Variants in PACC1 observed in about 807,000 individuals in gnomAD.
The protein encoded by PACC1 is proton-activated chloride channel.
Under a neutral mutation model 39.7 loss-of-function variants are expected in PACC1, and 34 were observed. The observed-to-expected ratio is 0.86, with a 90% CI of 0.65 to 1.14. PACC1 has a LOEUF of 1.14. Among genes scored for constraint, PACC1 ranks in the 50% most tolerant of loss-of-function variants. PACC1 has a pLI of 0.00. For synonymous variants in PACC1, 127 were observed against 160.6 expected, an observed-to-expected ratio of 0.79 and a Z score of 1.58; for missense variants, 379 against 436.4, an observed-to-expected ratio of 0.87 and a Z score of 1.17.
chr1:212,401,097 A>G (rs1286116439), intron 2 of PACC1, among the ~76,000 whole-genome samples: 1 of 152,030 alleles, frequency 6.6e-6, no homozygotes. Context: ...CATACAATTT[A>G]CCCTTTTAAA....
In PACC1 at chr1:212,377,644, C is replaced by A. The variant is rs779416338; in HGVS notation, c.701G>T (p.Gly234Val). 1 of 1,614,074 alleles carries A rather than the reference C, an allele frequency of 6.2e-7. No homozygotes were observed. The highest frequency in any genetic ancestry group is 8.5e-7 in the Non-Finnish European group (1 of 1,180,032). ...CATCTTGACCCAGGTGCGGAAGCCCCCAGAGAACTTCCAGCTGGAATAGGC... is the reference window on the plus strand; with the variant it reads ...CATCTTGACCCAGGTGCGGAAGCCCACAGAGAACTTCCAGCTGGAATAGGC... The part of the protein sequence containing the change: ...ESAYSSWKFS[G>V]GFRTWVKMSL... The change falls in exon 6 of 8, where the codon GGG becomes GTG. Residue 234 changes from glycine (G) to valine (V), a missense_variant. Physicochemically the swap from Gly to Val is moderately radical, Grantham distance 109. Coordinates refer to ENST00000261455, the MANE Select transcript of PACC1 (RefSeq NM_018252.3).
chr1:212,379,005 G>A (rs958580490), intron 5 of PACC1, among the ~76,000 whole-genome samples: 7 of 150,356 alleles, frequency 4.7e-5, no homozygotes, highest in African/African-American at 7.3e-5. Context: ...GTGCAGTGGC[G>A]CAATCTCAGC....
At chr1:212,410,904 G>A (rs913312964) in intron 1 of PACC1, among the ~76,000 whole-genome samples, 2 of 152,140 alleles carry the variant, frequency 1.3e-5, no homozygotes, top group Non-Finnish European at 2.9e-5. Context: ...AGCAATCCTT[G>A]GAGTTCGTTG....
chr1:212,396,838 ATC>A (rs1661544016), intron 2 of PACC1, among the ~76,000 whole-genome samples: 2 of 147,728 alleles, frequency 1.4e-5, no homozygotes, highest in Admixed American at 1.3e-4. Flanking sequence ...CTATCTATCT[ATC>A]TATCTATCTA....
intron 2 of PACC1, among the ~76,000 whole-genome samples, chr1:212,400,994 T>C (rs769943422): frequency 6.6e-6 from 1 of 152,238 alleles, no homozygotes; most frequent in African/African-American, 2.4e-5. Flanking sequence ...CAGGGAGCAC[T>C]AGGCTAAGAG....
At chr1:212,366,630 T>C (rs1571622613) in intron 7 of PACC1, among the ~76,000 whole-genome samples, 1 of 152,164 alleles carries the variant, frequency 6.6e-6, no homozygotes, top group Non-Finnish European at 1.5e-5. Flanking sequence ...CATATGAAAA[T>C]GGTGATACCA....
intron 2 of PACC1, among the ~76,000 whole-genome samples, chr1:212,396,773 C>G (rs1006797269): frequency 6.8e-5 from 10 of 146,406 alleles, no homozygotes; most frequent in African/African-American, 2.5e-4. Flanking sequence ...AGAGAAAAAT[C>G]TTGAAGGCAG....
chr1:212,391,993 A>G lies in PACC1; in HGVS notation c.134-4893T>C, dbSNP rs1467415056. 4.6e-5 allele frequency among the ~76,000 whole-genome samples: 7 copies of G among 152,218 alleles called. 1 individual carries two copies. The highest frequency in any genetic ancestry group is 4.6e-4 in the Admixed American group (7 of 15,274). ...TGGTGTACCTGAAAGTGACGGGGAG[A>G]ATGGAACCAAGTTGGAAAACACTCT... On this transcript the variant is annotated intron_variant, in intron 2 of 7. Coordinates refer to ENST00000261455, the MANE Select transcript of PACC1 (RefSeq NM_018252.3).
At position 212,410,424 on chromosome 1, in the gene PACC1, C is replaced by T; in HGVS notation, c.133+1G>A. 1.2e-6 allele frequency: 2 copies of T among 1,614,046 alleles called. No individual in the cohort carries two copies. Among genetic ancestry groups the T allele is most frequent in the African/African-American group, 1.3e-5 (1 of 75,040 alleles). On this transcript the variant is annotated splice_donor_variant, in intron 2 of 7. Transcript: ENST00000261455. LOFTEE classifies it high-confidence loss of function. ...CACAGCAAAGCACCAAACGCACTCACCTGGTAAGATACCCGGACCTTGGAC... is the reference window on the plus strand; with the variant it reads ...CACAGCAAAGCACCAAACGCACTCATCTGGTAAGATACCCGGACCTTGGAC...
At chr1:212,377,215 C>T (rs1021861414) in intron 6 of PACC1, among the ~76,000 whole-genome samples, 1 of 152,136 alleles carries the variant, frequency 6.6e-6, no homozygotes, top group African/African-American at 2.4e-5. Flanking sequence ...CTCTTCCCTG[C>T]AAATAATCAA....
intron 1 of PACC1, chr1:212,413,925 G>C: frequency 6.5e-7 from 1 of 1,535,256 alleles, no homozygotes; most frequent in Non-Finnish European, 8.7e-7. Context: ...TGGCCAATGA[G>C]GCGGCACGAT....
chr1:212,370,263 G>A (rs1227635362), intron 7 of PACC1, among the ~76,000 whole-genome samples: 5 of 152,216 alleles, frequency 3.3e-5, no homozygotes, highest in Non-Finnish European at 7.3e-5. Context: ...TCAGGTGATT[G>A]AGACCATCCT....
At chr1:212,406,028 A>C (rs1661897730) in intron 2 of PACC1, among the ~76,000 whole-genome samples, 1 of 147,680 alleles carries the variant, frequency 6.8e-6, no homozygotes, top group Non-Finnish European at 1.5e-5. Flanking sequence ...TGTAGTCTCA[A>C]CTACTCGGGA....
At chr1:212,392,168 A>G (rs1661346431) in intron 2 of PACC1, among the ~76,000 whole-genome samples, 1 of 152,216 alleles carries the variant, frequency 6.6e-6, no homozygotes, top group Non-Finnish European at 1.5e-5. Context: ...GAAATGAAGG[A>G]AAAAATGTTA....
intron 7 of PACC1, among the ~76,000 whole-genome samples, chr1:212,374,467 C>G (rs950065691): frequency 6.6e-6 from 1 of 151,934 alleles, no homozygotes; most frequent in African/African-American, 2.4e-5. Flanking sequence ...TACAAAAATA[C>G]AGTAAGATAG....
rs893880550 is a variant in PACC1, at chr1:212,410,463, T to C, written c.95A>G (p.Lys32Arg). 6.2e-7 allele frequency: 1 copy of C among 1,614,174 alleles called. No individual in the cohort carries two copies. The stretch of plus-strand genomic sequence containing the variant: ...CGGACCTTGGACTCTGACCGTCTCC[T>C]TGTCCTGCTCGTCTGCCAGCTCTGA... ...ENSELADEQD[K>R]ETVRVQGPGI... Residue 32 changes from lysine (K) to arginine (R), a missense_variant, in exon 2 of 8, where the codon AAG becomes AGG. Physicochemically the swap from Lys to Arg is conservative, Grantham distance 26. Transcript: ENST00000261455.
At chr1:212,405,053 A>T (rs1324917814) in intron 2 of PACC1, among the ~76,000 whole-genome samples, 1 of 152,136 alleles carries the variant, frequency 6.6e-6, no homozygotes, top group Non-Finnish European at 1.5e-5. Context: ...GATGAGCCAC[A>T]GTGTGAGCCC....
intron 1 of PACC1, chr1:212,413,885 G>C: frequency 6.5e-7 from 1 of 1,530,276 alleles, no homozygotes; most frequent in Non-Finnish European, 8.7e-7. Flanking sequence ...ACACAAACTG[G>C]AGGAGGACCG....
chr1:212,388,054 CAAAAAA>C (rs57874166), intron 2 of PACC1, among the ~76,000 whole-genome samples: 2 of 100,582 alleles, frequency 2.0e-5, no homozygotes, highest in African/African-American at 6.3e-5. Context: ...AACTCCATCT[CAAAAAA>C]AAAAAAAAAA....
Sources: allele counts gnomAD v4.1 joint callset (sites outside exome capture counted in the v4.1 genomes callset), GRCh38; gene constraint gnomAD v4.1.1; transcripts MANE v1.5; gene names NCBI Gene and HGNC (gene_info 2026-07-23, HGNC 2026-07-21).